DRC11: variants seen among roughly 807,000 people sequenced by gnomAD.
DRC11 encodes dynein regulatory complex subunit 11.
At chr2:236,360,349 G>C in the DRC11 span, among the ~76,000 whole-genome samples, 10 of 152,218 alleles carry the variant, frequency 6.6e-5, no homozygotes, top group Non-Finnish European at 1.5e-4. This position sits in a 1 kb window ranked among gnomAD's most constrained non-coding sequence, Gnocchi z 5.8. Context: ...CTACCTCATA[G>C]AGTTGTTGTA....
chr2:236,483,713 T>C, the DRC11 span, among the ~76,000 whole-genome samples: 1 of 152,166 alleles, frequency 6.6e-6, no homozygotes, highest in Admixed American at 6.5e-5. This position sits in a 1 kb window ranked among gnomAD's most constrained non-coding sequence, Gnocchi z 4.8. Context: ...CAGGGTAAAA[T>C]GTAAACTATT....
chr2:236,434,849 G>C, the DRC11 span, among the ~76,000 whole-genome samples: 1 of 152,120 alleles, frequency 6.6e-6, no homozygotes, highest in Non-Finnish European at 1.5e-5. The surrounding 1 kb of genome is among the most constrained non-coding windows in gnomAD (Gnocchi z 5.5). Context: ...GGACTTTCAA[G>C]ACACAACTTG....
At chr2:236,458,888 T>C in the DRC11 span, among the ~76,000 whole-genome samples, 5 of 151,862 alleles carry the variant, frequency 3.3e-5, no homozygotes, top group Non-Finnish European at 5.9e-5. Flanking sequence ...CTACTAAAAA[T>C]ACAAAAATTA....
the DRC11 span, among the ~76,000 whole-genome samples, chr2:236,480,028 T>G: frequency 6.6e-6 from 1 of 151,880 alleles, no homozygotes; most frequent in Non-Finnish European, 1.5e-5. Context: ...ACAGGTTTTT[T>G]TTTTTTTTTT....
chr2:236,350,075 T>C, the DRC11 span, among the ~76,000 whole-genome samples: 1 of 152,228 alleles, frequency 6.6e-6, no homozygotes, highest in Non-Finnish European at 1.5e-5. This position sits in a 1 kb window ranked among gnomAD's most constrained non-coding sequence, Gnocchi z 5.2. Context: ...TTTTCTCTTT[T>C]TGCTCTTAAC....
the DRC11 span, among the ~76,000 whole-genome samples, chr2:236,425,016 G>C: frequency 1.4e-4 from 21 of 152,078 alleles, no homozygotes; most frequent in South Asian, 2.9e-3. Context: ...AAGCTGAATA[G>C]TGTTCCACTG....
the DRC11 span, among the ~76,000 whole-genome samples, chr2:236,506,192 T>A: frequency 6.6e-6 from 1 of 152,210 alleles, no homozygotes; most frequent in East Asian, 1.9e-4. The surrounding 1 kb of genome is among the most constrained non-coding windows in gnomAD (Gnocchi z 4.9). Context: ...ATGTCTTTGA[T>A]TCCTTTGCCA....
chr2:236,384,480 T>C, the DRC11 span, among the ~76,000 whole-genome samples: 1 of 152,274 alleles, frequency 6.6e-6, no homozygotes. Context: ...GAAGTGTCTG[T>C]TCATGTCCTT....
the DRC11 span, chr2:236,408,229 C>T: frequency 4.9e-6 from 4 of 818,220 alleles, no homozygotes; most frequent in African/African-American, 6.7e-5. This position sits in a 1 kb window ranked among gnomAD's most constrained non-coding sequence, Gnocchi z 5.5. Flanking sequence ...GATCAATCTT[C>T]TTGTGATCTC....
the DRC11 span, among the ~76,000 whole-genome samples, chr2:236,343,397 G>T: frequency 6.6e-6 from 1 of 152,210 alleles, no homozygotes; most frequent in Non-Finnish European, 1.5e-5. The surrounding 1 kb of genome is among the most constrained non-coding windows in gnomAD (Gnocchi z 6.6). Context: ...CTCAGAGGCC[G>T]TGCGGGCTGA....
the DRC11 span, among the ~76,000 whole-genome samples, chr2:236,470,986 C>T: frequency 1.3e-5 from 2 of 152,258 alleles, no homozygotes; most frequent in East Asian, 3.9e-4. This position sits in a 1 kb window ranked among gnomAD's most constrained non-coding sequence, Gnocchi z 5.1. Context: ...TACTTTTGTG[C>T]ACTACTTTCT....
the DRC11 span, among the ~76,000 whole-genome samples, chr2:236,471,377 A>G: frequency 2.6e-5 from 4 of 152,196 alleles, no homozygotes; most frequent in Non-Finnish European, 5.9e-5. This position sits in a 1 kb window ranked among gnomAD's most constrained non-coding sequence, Gnocchi z 4.6. Flanking sequence ...CCTTGCAAAG[A>G]GGTTGGACTA....
At chr2:236,503,756 A>G in the DRC11 span, 157,671 of 1,458,154 alleles carry the variant, frequency 0.11, 18,731 homozygotes, top group African/African-American at 0.55. The surrounding 1 kb of genome is among the most constrained non-coding windows in gnomAD (Gnocchi z 4.9). Context: ...ACCCCCTCCC[A>G]CACTGGACCG....
At chr2:236,491,743 A>T in the DRC11 span, among the ~76,000 whole-genome samples, 3 of 152,146 alleles carry the variant, frequency 2.0e-5, no homozygotes, top group Admixed American at 6.5e-5. Context: ...TTGACCCCCA[A>T]GTAAGTTGGC....
the DRC11 span, among the ~76,000 whole-genome samples, chr2:236,455,969 G>A: frequency 1.1e-4 from 16 of 151,756 alleles, no homozygotes; most frequent in South Asian, 2.1e-4. This position sits in a 1 kb window ranked among gnomAD's most constrained non-coding sequence, Gnocchi z 5.7. Context: ...CTTGCTCTCC[G>A]CGCCTCCACC....
chr2:236,407,288 C>T, the DRC11 span, among the ~76,000 whole-genome samples: 26,347 of 152,132 alleles, frequency 0.17, 2,531 homozygotes, highest in Non-Finnish European at 0.22. Flanking sequence ...TAATTTTTGT[C>T]GGAAAGAGCT....
the DRC11 span, among the ~76,000 whole-genome samples, chr2:236,309,088 C>G: frequency 2.0e-5 from 3 of 152,280 alleles, no homozygotes; most frequent in East Asian, 5.8e-4. This position sits in a 1 kb window ranked among gnomAD's most constrained non-coding sequence, Gnocchi z 5.7. Context: ...GTGAGACCCA[C>G]AAGAGAGGCA....
At chr2:236,356,972 TA>T in the DRC11 span, among the ~76,000 whole-genome samples, 3,097 of 116,060 alleles carry the variant, frequency 0.027, 281 homozygotes, top group African/African-American at 0.097. Flanking sequence ...ATATATATTA[TA>T]TATTCATATA....
chr2:236,481,685 A>G, the DRC11 span, among the ~76,000 whole-genome samples: 10 of 152,158 alleles, frequency 6.6e-5, no homozygotes, highest in African/African-American at 2.4e-4. Flanking sequence ...ATGATTACAG[A>G]CAAAAAAGAA....
Sources: allele counts gnomAD v4.1 joint callset (sites outside exome capture counted in the v4.1 genomes callset), GRCh38; gene constraint gnomAD v4.1.1; non-coding constraint Gnocchi (gnomAD v3.1); transcripts MANE v1.5; gene names NCBI Gene and HGNC (gene_info 2026-07-23, HGNC 2026-07-21).